ALDH3A2: variants seen among roughly 807,000 people sequenced by gnomAD.
ALDH3A2 encodes the protein aldehyde dehydrogenase 3 family member A2.
ALDH3A2 carries 36 observed loss-of-function variants against 51.3 expected under a neutral mutation model. The ratio of observed to expected loss-of-function variants is 0.70; its 90% confidence interval spans 0.54 to 0.93. The LOEUF is 0.93. ALDH3A2 is among the 40% of genes least tolerant of loss of function. The pLI is 0.00. For missense variants in ALDH3A2, 552 were observed against 603.1 expected (o/e 0.92, Z 0.89); for synonymous variants, 199 against 219.8 (o/e 0.91, Z 0.84).
Position 19,675,658 on chromosome 17 carries a change from C to A in ALDH3A2, c.*86C>A. On this transcript the variant is annotated 3_prime_UTR_variant, in exon 10 of 10. Transcript: ENST00000176643. ...ATGAACCAATAATTTTTAAATCATA[C>A]CAAAAATAGTAAGAAAATATGCAAA... 2 of 1,368,448 alleles carry A rather than the reference C, an allele frequency of 1.5e-6. No individual in the cohort carries two copies. Among genetic ancestry groups the A allele is most frequent in the Non-Finnish European group, 2.1e-6 (2 of 957,728 alleles). 84.8% of individuals were successfully genotyped at this position (1,368,448 alleles called of 1,614,324 possible). A position where few individuals can be genotyped will look rare whatever the true frequency, so the allele number is the denominator to read the frequency against.
chr17:19,670,344 C>T (rs2085095571), intron 8 of ALDH3A2, among the ~76,000 whole-genome samples: 1 of 152,028 alleles, frequency 6.6e-6, no homozygotes, highest in South Asian at 2.1e-4. Flanking sequence ...TATCTTTCAA[C>T]AAAACTTTGT....
chr17:19,673,103 T>C, intron 9 of ALDH3A2: 1 of 1,613,332 alleles, frequency 6.2e-7, no homozygotes, highest in Non-Finnish European at 8.5e-7. Flanking sequence ...CCAGCCTTAG[T>C]GGAATTGGAG....
rs903214978 is a variant in ALDH3A2 at position 19,663,593 on chromosome 17, CAAT to C, written c.1107+95_1107+97del. ...AAACAATGCAAAAAACAATGTGAAA[CAAT>C]GATGGTTTCTTTTGTGTCATGTCAG... On this transcript the variant is annotated intron_variant, in intron 7 of 9. Coordinates refer to ENST00000176643, the MANE Select transcript of ALDH3A2 (RefSeq NM_000382.3). 7.8e-6 allele frequency: 11 copies of C among 1,418,096 alleles called. No individual in the cohort carries two copies. In the Middle Eastern group the frequency reaches 5.9e-4, roughly 76 times the overall value. The allele number at this position is 1,418,096 out of a possible 1,614,324, so 87.8% of individuals were successfully genotyped here.
At chr17:19,669,903 G>A (rs1430671039) in intron 8 of ALDH3A2, among the ~76,000 whole-genome samples, 19 of 151,818 alleles carry the variant, frequency 1.3e-4, no homozygotes, top group Admixed American at 9.2e-4. Context: ...GCCTCCCAAC[G>A]TGCTGGGATT....
At position 19,648,965 on chromosome 17, in the gene ALDH3A2, C is replaced by A; in HGVS notation, c.-7C>A. The A allele has an allele frequency of 6.3e-7, 1 of 1,583,252 alleles. No homozygotes were observed. The highest frequency in any genetic ancestry group is 8.6e-7 in the Non-Finnish European group (1 of 1,165,696). On this transcript the variant is annotated 5_prime_UTR_variant, in exon 1 of 10. Transcript: ENST00000176643. ...CCGGACCGTGCAGTTCTCTGCAGGA[C>A]CAGGCCATGGAGCTCGAAGTCCGGC...
chr17:19,657,343 A>G (rs4646798), intron 4 of ALDH3A2, among the ~76,000 whole-genome samples: 31,253 of 152,262 alleles, frequency 0.21, 3,648 homozygotes, highest in East Asian at 0.39. Context: ...ATACCTGAAC[A>G]TCTTGCAGGC....
chr17:19,673,302 A>G (rs1434049631), intron 9 of ALDH3A2: 1 of 1,610,924 alleles, frequency 6.2e-7, no homozygotes, highest in Non-Finnish European at 8.5e-7. Context: ...TTCTTTCTAT[A>G]TGTAAGGTGG....
rs139766075 is a variant in ALDH3A2, at chr17:19,660,351, AG to A, written c.799-775del. On this transcript the variant is annotated intron_variant, in intron 5 of 9. Coordinates refer to ENST00000176643, the MANE Select transcript of ALDH3A2 (RefSeq NM_000382.3). Reference sequence around the variant, plus strand: ...GTCAGAGCCCAGGCACATGCATTTTAGCAAGCTGCACCAGTGATTCCGACCA... The same window carrying A: ...GTCAGAGCCCAGGCACATGCATTTTACAAGCTGCACCAGTGATTCCGACCA... 1.3e-4 allele frequency among the ~76,000 whole-genome samples: 20 copies of A among 152,272 alleles called. No individual in the cohort carries two copies. The East Asian group carries it at 3.7e-3, about 28-fold the overall frequency.
Position 19,677,467 on chromosome 17 carries a change from A to T in ALDH3A2, c.*1895A>T, listed in dbSNP as rs867982029. The T allele has an allele frequency of 7.2e-5, 11 of 152,194 alleles. No individual in the cohort carries two copies. Among genetic ancestry groups the T allele is most frequent in the African/African-American group, 2.7e-4 (11 of 41,438 alleles). 9.4% of individuals were successfully genotyped at this position (152,194 alleles called of 1,614,324 possible). ...ACTAATACACATCTGCTTCAAAATGAACATATTTCATAAAATTGGCATCAA... is the reference window on the plus strand; with the variant it reads ...ACTAATACACATCTGCTTCAAAATGTACATATTTCATAAAATTGGCATCAA... On this transcript the variant is annotated 3_prime_UTR_variant, in exon 10 of 10. Transcript: ENST00000176643.
chr17:19,675,110 A>C (rs2085169807), intron 9 of ALDH3A2: 1 of 161,158 alleles, frequency 6.2e-6, no homozygotes, highest in African/African-American at 2.4e-5. Flanking sequence ...GAACCTTGAG[A>C]TTGCAGCAGC....
In ALDH3A2 at chr17:19,677,229, G is replaced by A. The variant is rs746532658; in HGVS notation, c.*1657G>A. On this transcript the variant is annotated 3_prime_UTR_variant, in exon 10 of 10. Transcript: ENST00000176643. The stretch of plus-strand genomic sequence containing the variant: ...GAGAATGTGATTTACTTTATAGAAC[G>A]TATAATCAACTTTGTTGAATAATTT... 5.9e-5 allele frequency: 9 copies of A among 152,200 alleles called. No individual in the cohort carries two copies. The highest frequency in any genetic ancestry group is 1.7e-4 in the African/African-American group (7 of 41,440). 9.4% of individuals were successfully genotyped at this position (152,200 alleles called of 1,614,324 possible).
At chr17:19,672,097 G>A (rs572066511) in intron 9 of ALDH3A2, 141 bp downstream of exon 9, 64 of 812,496 alleles carry the variant, frequency 7.9e-5, no homozygotes, top group Admixed American at 6.8e-4. Context: ...CCAGCTACCC[G>A]TTTTTGTCAC....
At position 19,675,594 on chromosome 17, in the gene ALDH3A2, C is replaced by T; in HGVS notation, c.*22C>T. On this transcript the variant is annotated 3_prime_UTR_variant, in exon 10 of 10. Transcript: ENST00000176643. ...CTGAAGAATGATCCTGTTCAACCTC[C>T]TAGTGCCTCTACTGAATTATTCCTC... The T allele has an allele frequency of 1.9e-6, 3 of 1,607,204 alleles. No individual in the cohort carries two copies. The highest frequency in any genetic ancestry group is 2.6e-6 in the Non-Finnish European group (3 of 1,173,704).
chr17:19,659,843 CAAAA>C (rs35053333), intron 5 of ALDH3A2: 4 of 83,722 alleles, frequency 4.8e-5, no homozygotes, highest in African/African-American at 8.9e-5. Context: ...GACCCTGTCT[CAAAA>C]AAAAAAAAAA....
At chr17:19,675,389 G>A (rs532716635) in intron 9 of ALDH3A2, 169 bp from the exon 10 acceptor site, 27 of 716,064 alleles carry the variant, frequency 3.8e-5, no homozygotes, top group Non-Finnish European at 6.0e-5. Flanking sequence ...GGCCTAAACC[G>A]TGCTTCCTAG....
At position 19,663,518 on chromosome 17, in the gene ALDH3A2, A is replaced by G. The variant is rs751538958; in HGVS notation, c.1107+19A>G. 2.5e-6 allele frequency: 4 copies of G among 1,613,124 alleles called. No homozygotes were observed. In the South Asian group the frequency reaches 3.3e-5, roughly 13 times the overall value. On this transcript the variant is annotated intron_variant, in intron 7 of 9. Coordinates refer to ENST00000176643, the MANE Select transcript of ALDH3A2 (RefSeq NM_000382.3). Reference sequence around the variant, plus strand: ...CCATAAGGTAAGCTTTAGAGAGAACAGCTAGTTAGCATAAGCAACTGTCAA... The same window carrying G: ...CCATAAGGTAAGCTTTAGAGAGAACGGCTAGTTAGCATAAGCAACTGTCAA...
intron 5 of ALDH3A2, among the ~76,000 whole-genome samples, chr17:19,660,844 G>T (rs757809240): frequency 2.0e-5 from 3 of 152,230 alleles, no homozygotes; most frequent in Non-Finnish European, 4.4e-5. Flanking sequence ...GCCCCAGGAG[G>T]TGAAGGCCTG....
chr17:19,659,727 GC>G (rs1367658516), intron 5 of ALDH3A2: 1 of 151,850 alleles, frequency 6.6e-6, no homozygotes, highest in African/African-American at 2.4e-5. Context: ...TGTGGTCCCA[GC>G]TACTTGGCAG....
chr17:19,671,696 G>GT, intron 8 of ALDH3A2, 25 bp from the exon 9 acceptor site: 1 of 1,595,408 alleles, frequency 6.3e-7, no homozygotes, highest in East Asian at 2.2e-5. Context: ...AGTGAAGCTT[G>GT]TTTTGTCTGT....
Sources: allele counts gnomAD v4.1 joint callset (sites outside exome capture counted in the v4.1 genomes callset), GRCh38; gene constraint gnomAD v4.1.1; transcripts MANE v1.5; gene names NCBI Gene and HGNC (gene_info 2026-07-23, HGNC 2026-07-21).